TUT7: variants seen among roughly 807,000 people sequenced by gnomAD.
TUT7 encodes the protein terminal uridylyltransferase 7.
Under a neutral mutation model 165.9 loss-of-function variants are expected in TUT7, and 33 were observed. That is an observed-to-expected ratio of 0.20 (90% CI 0.15 to 0.27). The LOEUF (loss-of-function observed/expected upper bound fraction) is 0.27, where lower values mean the gene tolerates loss of function less well. TUT7 is among the 10% of genes least tolerant of loss of function. The probability of loss-of-function intolerance (pLI) is 1.00; values close to 1 mark genes in which losing one functional copy is unlikely to be tolerated. For synonymous variants in TUT7, 552 were observed against 608.1 expected (o/e 0.91, Z 1.36); for missense variants, 1,338 against 1,762.3 (o/e 0.76, Z 4.31).
chr9:86,308,735 T>C, intron 21 of TUT7, 129 bp from the exon 22 acceptor site: 1 of 728,694 alleles, frequency 1.4e-6, no homozygotes, highest in Non-Finnish European at 2.1e-6. Flanking sequence ...GCAACTTTTC[T>C]TTCATATTTA....
chr9:86,347,737 C>G (rs1351221655), intron 2 of TUT7, among the ~76,000 whole-genome samples: 4 of 152,062 alleles, frequency 2.6e-5, no homozygotes, highest in African/African-American at 9.7e-5. Flanking sequence ...ATACACTGAA[C>G]AAATAAAATA....
At chr9:86,307,779 G>A (rs926449660) in intron 22 of TUT7, among the ~76,000 whole-genome samples, 5 of 152,056 alleles carry the variant, frequency 3.3e-5, no homozygotes, top group African/African-American at 1.2e-4. Context: ...GATCACCTGC[G>A]GTCAGGAGTT....
At chr9:86,337,978 G>T (rs933365832) in intron 9 of TUT7, among the ~76,000 whole-genome samples, 2 of 152,028 alleles carry the variant, frequency 1.3e-5, no homozygotes, top group Non-Finnish European at 2.9e-5. Context: ...GAGAGAACGT[G>T]GACAAACTCA....
At chr9:86,313,504 T>G (rs532870691) in intron 17 of TUT7, among the ~76,000 whole-genome samples, 3 of 152,284 alleles carry the variant, frequency 2.0e-5, no homozygotes, top group African/African-American at 7.2e-5. Flanking sequence ...AAACATTACC[T>G]CCTTAGGTTT....
chr9:86,294,964 A>G (rs1276409773), intron 26 of TUT7, among the ~76,000 whole-genome samples: 1 of 152,014 alleles, frequency 6.6e-6, no homozygotes, highest in Non-Finnish European at 1.5e-5. Context: ...AGATATTTTC[A>G]TCCTTTGAGA....
chr9:86,325,188 G>C, intron 12 of TUT7, 146 bp downstream of exon 12: 1 of 722,788 alleles, frequency 1.4e-6, no homozygotes. Flanking sequence ...GTTAACACAT[G>C]CAAGATTCTA....
chr9:86,339,725 C>T (rs1170955836), intron 8 of TUT7, among the ~76,000 whole-genome samples: 2 of 152,022 alleles, frequency 1.3e-5, no homozygotes, highest in African/African-American at 2.4e-5. Flanking sequence ...ATAAATGCTG[C>T]CAAAAAGGGT....
intron 10 of TUT7, among the ~76,000 whole-genome samples, chr9:86,336,013 A>T (rs1000064801): frequency 3.9e-5 from 6 of 152,194 alleles, no homozygotes; most frequent in Non-Finnish European, 7.4e-5. Context: ...TCCTTAGGAG[A>T]ATCTCATCAC....
At chr9:86,329,867 C>A (rs1285395062) in intron 10 of TUT7, among the ~76,000 whole-genome samples, 1 of 152,106 alleles carries the variant, frequency 6.6e-6, no homozygotes, top group Non-Finnish European at 1.5e-5. Flanking sequence ...GAGACTATGA[C>A]TCATTCTCCC....
rs550017428 is a variant in TUT7, at chr9:86,310,996, T to C, written c.3275-187A>G. Among the ~76,000 whole-genome samples, 3 of 152,364 alleles carry C rather than the reference T, an allele frequency of 2.0e-5. No homozygotes were observed. The South Asian group carries it at 6.2e-4, about 32-fold the overall frequency. On this transcript the variant is annotated intron_variant, in intron 17 of 26. Transcript: ENST00000375963. The stretch of plus-strand genomic sequence containing the variant: ...GAAGATTAGTCTGGCAAAGTTTACA[T>C]TTATTAAACATATTGATATTAGAAC...
rs142972966 is a variant in TUT7, at chr9:86,343,942, T to A, written c.998-779A>T. 1.4e-4 allele frequency among the ~76,000 whole-genome samples: 22 copies of A among 152,340 alleles called. No homozygotes were observed. In the East Asian group the frequency reaches 4.2e-3, roughly 29 times the overall value. On this transcript the variant is annotated intron_variant, in intron 5 of 26. Coordinates refer to ENST00000375963, the MANE Select transcript of TUT7 (RefSeq NM_024617.4). ...AAATTCAAGTGATTTCTTTGGGTTTTAGCAGTTTTCCACAACAAAGTACAT... is the reference window on the plus strand; with the variant it reads ...AAATTCAAGTGATTTCTTTGGGTTTAAGCAGTTTTCCACAACAAAGTACAT...
Position 86,338,925 on chromosome 9 carries a change from T to C in TUT7, c.1233A>G (p.Ala411=). ...KQSGLLCKVS[A]GNENACLTTK... is the part of the protein sequence containing the mutation. Reference sequence around the variant, plus strand: ...TTGTCAGACAAGCATTTTCATTTCCTGCGCTCACTTTACACAGAAGACCAC... The same window carrying C: ...TTGTCAGACAAGCATTTTCATTTCCCGCGCTCACTTTACACAGAAGACCAC... Residue 411 remains alanine (A), a synonymous_variant, in exon 9 of 27, where the codon GCA becomes GCG. Transcript: ENST00000375963. The C allele has an allele frequency of 6.2e-7, 1 of 1,610,212 alleles. No homozygotes were observed. The highest frequency in any genetic ancestry group is 8.5e-7 in the Non-Finnish European group (1 of 1,178,150).
In TUT7 at chr9:86,352,722, T is replaced by A; in HGVS notation, c.478A>T (p.Thr160Ser). 1 of 1,614,250 alleles carries A rather than the reference T, an allele frequency of 6.2e-7. No individual in the cohort carries two copies. Among genetic ancestry groups the A allele is most frequent in the Non-Finnish European group, 8.5e-7 (1 of 1,180,046 alleles). Residue 160 changes from threonine to serine, a missense_variant, in exon 2 of 27, where the codon ACA becomes TCA. Around this residue, in one of 7 missense-constraint regions of TUT7, gnomAD observed 434 missense variants for 480.8 expected, o/e 0.90. Coordinates refer to ENST00000375963, the MANE Select transcript of TUT7 (RefSeq NM_024617.4). ...TVRRLFHKDL[T>S]SLETTSEMEA... ...ATTTCTGACGTGGTTTCTAGGCTTGTTAGGTCTTTATGAAACAGTCGTCTT... is the reference window on the plus strand; with the variant it reads ...ATTTCTGACGTGGTTTCTAGGCTTGATAGGTCTTTATGAAACAGTCGTCTT...
intron 7 of TUT7, among the ~76,000 whole-genome samples, 153 bp downstream of exon 7, chr9:86,340,849 G>A (rs1831263964): frequency 6.6e-6 from 1 of 152,134 alleles, no homozygotes; most frequent in African/African-American, 2.4e-5. Flanking sequence ...CTACTAACAG[G>A]ACTCTAGTTA....
rs754159559 is a variant in TUT7, at chr9:86,301,505, CTTG to C, written c.4188_4190del (p.Asn1396del). On this transcript the variant is annotated inframe_deletion, in exon 26 of 27. Transcript: ENST00000375963. ...TTGTTGACACCTCCCTTTCTGTGTACTTGTTGTGAATTTCTTTGTCCTCTTTGC... is the reference window on the plus strand; with the variant it reads ...TTGTTGACACCTCCCTTTCTGTGTACTTGTGAATTTCTTTGTCCTCTTTGC... The C allele has an allele frequency of 4.3e-6, 7 of 1,613,814 alleles. No individual in the cohort carries two copies. Among genetic ancestry groups the C allele is most frequent in the African/African-American group, 2.7e-5 (2 of 74,820 alleles).
chr9:86,310,659 T>C (rs1489821690), intron 18 of TUT7, 47 bp downstream of exon 18: 6 of 1,040,284 alleles, frequency 5.8e-6, no homozygotes, highest in Non-Finnish European at 8.9e-6. Flanking sequence ...AGGTGAGACA[T>C]TTGTTCCCTT....
chr9:86,288,869 T>A, intron 26 of TUT7, 125 bp from the exon 27 acceptor site: 1 of 638,164 alleles, frequency 1.6e-6, no homozygotes, highest in East Asian at 2.8e-5. Context: ...TCACTTGTTT[T>A]GAATCAAGTA....
At chr9:86,341,285 T>C (rs564336043) in intron 6 of TUT7, among the ~76,000 whole-genome samples, 2 of 152,298 alleles carry the variant, frequency 1.3e-5, no homozygotes, top group South Asian at 4.1e-4. Flanking sequence ...AACTTCTGAT[T>C]TAACTAATTA....
At chr9:86,346,579 A>ATTCTC in intron 2 of TUT7, 99 bp from the exon 3 acceptor site, 2 of 1,211,208 alleles carry the variant, frequency 1.7e-6, no homozygotes, top group Non-Finnish European at 2.3e-6. Context: ...GAGAGAATAA[A>ATTCTC]TCACATCTGC....
Sources: gnomAD v4.1 joint callset for allele counts (sites outside exome capture counted in the v4.1 genomes callset) on GRCh38, gnomAD v4.1.1 for gene constraint, gnomAD v4.1.1 regional missense constraint, MANE v1.5 for transcripts, NCBI Gene and HGNC (gene_info 2026-07-23, HGNC 2026-07-21) for gene names.